HOXD3: variants seen among roughly 807,000 people sequenced by gnomAD.
The protein encoded by HOXD3 is homeobox protein Hox-D3.
HOXD3 carries 13 observed loss-of-function variants against 32.8 expected under a neutral mutation model. That is an observed-to-expected ratio of 0.40 (90% CI 0.26 to 0.63). The LOEUF (loss-of-function observed/expected upper bound fraction) is 0.63. HOXD3 is among the 20% of genes least tolerant of loss of function. The pLI is 0.44. For missense variants in HOXD3, 504 were observed against 577.1 expected (o/e 0.87, Z 1.30); for synonymous variants, 241 against 246.8 (o/e 0.98, Z 0.22).
In HOXD3 at chr2:176,169,197, T is replaced by C; in HGVS notation, c.83T>C (p.Leu28Pro). The stretch of plus-strand genomic sequence containing the variant: ...GCTGCTTACTATGAAAACCCAGGAC[T>C]GTTTGGAGGCTATGGCTACAGCAAA... ...QKAAYYENPG[L>P]FGGYGYSKTT... Residue 28 changes from leucine (L) to proline (P), a missense_variant, in exon 3 of 4, where the codon CTG becomes CCG. By Grantham distance (98) the Leu-to-Pro change is moderately conservative (BLOSUM62 -3). Coordinates refer to ENST00000683222, the MANE Select transcript of HOXD3 (RefSeq NM_006898.5). The C allele has an allele frequency of 1.2e-6, 2 of 1,614,136 alleles. No individual in the cohort carries two copies. Among genetic ancestry groups the C allele is most frequent in the Non-Finnish European group, 1.7e-6 (2 of 1,180,022 alleles).
At chr2:176,153,410 G>C (rs1024539634), upstream of HOXD3, among the ~76,000 whole-genome samples, 1 of 152,110 alleles carries the variant, frequency 6.6e-6, no homozygotes. Context: ...GCTGGGTCAG[G>C]ATTTCTGGAC....
chr2:176,152,583 C>G (rs761534424), upstream of HOXD3: 149 of 1,601,094 alleles, frequency 9.3e-5, no homozygotes, highest in Middle Eastern at 1.7e-4. This position sits in a 1 kb window ranked among gnomAD's most constrained non-coding sequence, Gnocchi z 5.2. Flanking sequence ...GCTGACCTGC[C>G]TGTCCTGTCT....
chr2:176,164,211 C>A (rs2161871), intron 2 of HOXD3, 43 bp downstream of exon 2: 152,295 of 152,324 alleles, frequency 1, 76,133 homozygotes, highest in Non-Finnish European at 1. Flanking sequence ...GTACATTTCC[C>A]TCTGCAACTC....
upstream of HOXD3, among the ~76,000 whole-genome samples, chr2:176,154,528 T>A (rs1008275378): frequency 3.3e-5 from 5 of 152,168 alleles, no homozygotes; most frequent in African/African-American, 1.2e-4. Context: ...AAGGGGGGTA[T>A]TTTTTTCAGT....
chr2:176,171,647 C>G lies in HOXD3; in HGVS notation c.672C>G (p.Arg224=). The change falls in exon 4 of 4, where the codon CGC becomes CGG. Residue 224 remains arginine (R), a synonymous_variant. Coordinates refer to ENST00000683222, the MANE Select transcript of HOXD3 (RefSeq NM_006898.5). ...HFNRYLCRPR[R]VEMANLLNLT... ...ACCGCTACTTGTGCCGGCCGCGCCG[C>G]GTGGAGATGGCCAACCTGCTGAATC... The G allele has an allele frequency of 6.2e-7, 1 of 1,614,228 alleles. No individual in the cohort carries two copies. Among genetic ancestry groups the G allele is most frequent in the Non-Finnish European group, 8.5e-7 (1 of 1,180,048 alleles).
rs34436368 is a variant in HOXD3, at chr2:176,168,261, CA to C, written c.-84-751del. ...GCAACATTGTAAGACCCTGTCTCTACAAAAAAAAAAAAAAAAAAACTAAGAG... is the reference window on the plus strand; with the variant it reads ...GCAACATTGTAAGACCCTGTCTCTACAAAAAAAAAAAAAAAAAACTAAGAG... On this transcript the variant is annotated intron_variant, in intron 2 of 3. Coordinates refer to ENST00000683222, the MANE Select transcript of HOXD3 (RefSeq NM_006898.5). 6.3e-3 allele frequency among the ~76,000 whole-genome samples: 652 copies of C among 103,346 alleles called. 5 individuals carry two copies. The highest frequency in any genetic ancestry group is 0.015 in the Admixed American group (136 of 9,332). 67.8% of individuals were successfully genotyped at this position (103,346 alleles called of 152,430 possible).
Position 176,169,446 on chromosome 2 carries a change from A to T in HOXD3, c.332A>T (p.Asn111Ile), listed in dbSNP as rs773193053. Reference protein sequence around the residue: ...GGGGSQPPGLNSEQQPPQPPP... With the variant: ...GGGGSQPPGLISEQQPPQPPP... ...GGTGGCAGCCAGCCTCCTGGTCTGA[A>T]CTCAGAGCAGCAGCCACCACAACCC... The change falls in exon 3 of 4, where the codon AAC (asparagine) becomes ATC (isoleucine). Residue 111 changes from asparagine to isoleucine, a missense_variant. By Grantham distance (149) the Asn-to-Ile change is moderately radical. Transcript: ENST00000683222. 1 of 1,613,080 alleles carries T rather than the reference A, an allele frequency of 6.2e-7. No homozygotes were observed. The highest frequency in any genetic ancestry group is 8.5e-7 in the Non-Finnish European group (1 of 1,179,570).
chr2:176,155,490 CCTT>C (rs999458677), upstream of HOXD3, among the ~76,000 whole-genome samples: 1 of 152,300 alleles, frequency 6.6e-6, no homozygotes, highest in East Asian at 1.9e-4. Flanking sequence ...TCTCAGCTCT[CCTT>C]CTCAGCTTGG....
In HOXD3 at chr2:176,161,498, C is replaced by A. The variant is rs192267138; in HGVS notation, c.-180-2575C>A. Among the ~76,000 whole-genome samples the A allele has an allele frequency of 5.3e-5, 8 of 152,134 alleles. No homozygotes were observed. In the East Asian group the frequency reaches 1.2e-3, roughly 22 times the overall value. On this transcript the variant is annotated intron_variant, in intron 1 of 3. Transcript: ENST00000683222. ...ACTTTACTGCCAAAGTAAGATGGAG[C>A]GTCATATTAATTCTGTGTCTTGAGC...
At chr2:176,152,568 C>G, upstream of HOXD3, 1 of 1,552,590 alleles carries the variant, frequency 6.4e-7, no homozygotes, top group Non-Finnish European at 8.9e-7. The surrounding 1 kb of genome is among the most constrained non-coding windows in gnomAD (Gnocchi z 5.2). Flanking sequence ...AACTAGTGGC[C>G]GGGCGCTGAC....
rs1371803306 is a variant in HOXD3, at chr2:176,172,365, C to A, written c.*91C>A. 3 of 1,289,446 alleles carry A rather than the reference C, an allele frequency of 2.3e-6. No homozygotes were observed. Among genetic ancestry groups the A allele is most frequent in the African/African-American group, 1.5e-5 (1 of 66,930 alleles). The allele number at this position is 1,289,446 out of a possible 1,614,324, so 79.9% of individuals were successfully genotyped here. A position where few individuals can be genotyped will look rare whatever the true frequency, so the allele number is the denominator to read the frequency against. On this transcript the variant is annotated 3_prime_UTR_variant, in exon 4 of 4. Transcript: ENST00000683222. ...GGGGCCCGCGGGGCAGTTCGGGAACCCCCTTCCCCGCTCTTGCCCTGCCGC... is the reference window on the plus strand; with the variant it reads ...GGGGCCCGCGGGGCAGTTCGGGAACACCCTTCCCCGCTCTTGCCCTGCCGC...
upstream of HOXD3, chr2:176,153,195 A>C: frequency 1.9e-6 from 1 of 515,822 alleles, no homozygotes; most frequent in Non-Finnish European, 3.5e-6. Flanking sequence ...AGAACATAAA[A>C]TCTTGGCGAG....
At chr2:176,155,698 T>C (rs1690628607), upstream of HOXD3, among the ~76,000 whole-genome samples, 1 of 152,208 alleles carries the variant, frequency 6.6e-6, no homozygotes, top group African/African-American at 2.4e-5. Context: ...AAGCTAGGTG[T>C]GGAAAAGCTC....
chr2:176,170,554 TC>T (rs1337062825), intron 3 of HOXD3, among the ~76,000 whole-genome samples: 2 of 152,230 alleles, frequency 1.3e-5, no homozygotes, highest in Non-Finnish European at 2.9e-5. Context: ...ATGTGGTTTA[TC>T]TTCAGGTAGA....
chr2:176,163,366 G>A (rs1414150447), intron 1 of HOXD3, among the ~76,000 whole-genome samples: 2 of 151,780 alleles, frequency 1.3e-5, no homozygotes, highest in African/African-American at 4.8e-5. Context: ...CCCGCTGAGC[G>A]GTGACAGTGG....
chr2:176,166,154 CAGTT>C (rs1305256337), intron 2 of HOXD3, among the ~76,000 whole-genome samples: 1 of 152,096 alleles, frequency 6.6e-6, no homozygotes, highest in Non-Finnish European at 1.5e-5. Flanking sequence ...ACAATGTAAA[CAGTT>C]AGGAAAACAG....
chr2:176,167,393 T>G (rs1486734393), intron 2 of HOXD3, among the ~76,000 whole-genome samples: 1 of 152,224 alleles, frequency 6.6e-6, no homozygotes, highest in African/African-American at 2.4e-5. Flanking sequence ...GCATTTCAAA[T>G]TCTAGATCTC....
At chr2:176,152,645 C>T (rs768146969), upstream of HOXD3, 3 of 1,614,152 alleles carry the variant, frequency 1.9e-6, no homozygotes, top group South Asian at 3.3e-5. This position sits in a 1 kb window ranked among gnomAD's most constrained non-coding sequence, Gnocchi z 5.2. Flanking sequence ...CCAAGCGGTC[C>T]CGAACGGCCT....
rs1394514113 is a variant in HOXD3 at position 176,172,595 on chromosome 2, T to C, written c.*321T>C. 9 of 329,714 alleles carry C rather than the reference T, an allele frequency of 2.7e-5. No individual in the cohort carries two copies. The highest frequency in any genetic ancestry group is 4.4e-5 in the Non-Finnish European group (8 of 180,740). The allele number at this position is 329,714 out of a possible 1,614,324, so 20.4% of individuals were successfully genotyped here. ...TCTGAGACCCATCAGCGGCGCGCCC[T>C]GCAGAGGGACCAGAGCTTGGAGAGT... On this transcript the variant is annotated 3_prime_UTR_variant, in exon 4 of 4. Transcript: ENST00000683222.
Sources: allele counts gnomAD v4.1 joint callset (sites outside exome capture counted in the v4.1 genomes callset), GRCh38; gene constraint gnomAD v4.1.1; non-coding constraint Gnocchi (gnomAD v3.1); transcripts MANE v1.5; gene names NCBI Gene and HGNC (gene_info 2026-07-23, HGNC 2026-07-21).